SMYD3: variants seen among roughly 807,000 people sequenced by gnomAD.
The protein encoded by SMYD3 is SET and MYND domain containing 3, also known as histone-lysine N-methyltransferase SMYD3.
SMYD3 carries 36 observed loss-of-function variants against 57.7 expected under a neutral mutation model. The observed-to-expected ratio is 0.62, with a 90% CI of 0.48 to 0.82. The LOEUF (loss-of-function observed/expected upper bound fraction) is 0.82, where lower values mean the gene tolerates loss of function less well. Ranked by LOEUF, SMYD3 falls within the 40% of genes least tolerant of loss-of-function variation. The pLI is 0.00. For missense variants in SMYD3, 515 were observed against 538.8 expected (o/e 0.96, Z 0.44); for synonymous variants, 211 against 195.0 (o/e 1.08, Z -0.68).
chr1:246,023,512 A>G (rs2059511394), intron 5 of SMYD3, among the ~76,000 whole-genome samples: 1 of 152,160 alleles, frequency 6.6e-6, no homozygotes, highest in African/African-American at 2.4e-5. Flanking sequence ...CCCATTTTCC[A>G]AAATCATTAC....
intron 7 of SMYD3, among the ~76,000 whole-genome samples, chr1:245,922,825 G>A (rs2056075940): frequency 6.6e-6 from 1 of 152,080 alleles, no homozygotes; most frequent in East Asian, 1.9e-4. Context: ...TCATTTCCCA[G>A]TTTAAACCTT....
chr1:246,316,992 T>C (rs1288614426), intron 5 of SMYD3, among the ~76,000 whole-genome samples: 1 of 150,072 alleles, frequency 6.7e-6, no homozygotes, highest in African/African-American at 2.4e-5. Flanking sequence ...AGACTCCTAC[T>C]CAAAAAATAA....
chr1:245,870,447 T>C (rs1209141597), intron 8 of SMYD3, among the ~76,000 whole-genome samples: 1 of 152,180 alleles, frequency 6.6e-6, no homozygotes, highest in African/African-American at 2.4e-5. Flanking sequence ...TCCTGGCTTC[T>C]ACCTCAAACA....
intron 5 of SMYD3, among the ~76,000 whole-genome samples, chr1:246,229,278 A>C (rs1250807841): frequency 6.6e-6 from 1 of 152,134 alleles, no homozygotes; most frequent in African/African-American, 2.4e-5. Context: ...TAATTCTTTG[A>C]AATCCATTTA....
chr1:245,947,422 A>T, intron 5 of SMYD3: 1 of 457,052 alleles, frequency 2.2e-6, no homozygotes, highest in Non-Finnish European at 4.4e-6. Flanking sequence ...CCCCAAAACG[A>T]ACCCAATTGT....
At chr1:246,348,077 T>TATATATATATATATAAATATAC in intron 2 of SMYD3, among the ~76,000 whole-genome samples, 1 of 86,488 alleles carries the variant, frequency 1.2e-5, no homozygotes, top group Non-Finnish European at 2.6e-5. Flanking sequence ...TATATATATA[T>TATATATATATATATAAATATAC]ACACACACAC....
chr1:245,994,663 T>TA (rs2058886809), intron 5 of SMYD3, among the ~76,000 whole-genome samples: 1 of 152,190 alleles, frequency 6.6e-6, no homozygotes, highest in African/African-American at 2.4e-5. Flanking sequence ...GGCCTTCTCA[T>TA]AAAATGACTT....
At chr1:246,082,523 T>C (rs1046884037) in intron 5 of SMYD3, among the ~76,000 whole-genome samples, 1 of 152,066 alleles carries the variant, frequency 6.6e-6, no homozygotes, top group African/African-American at 2.4e-5. Context: ...GCAGCACACA[T>C]TCCCTAGCCC....
At chr1:246,356,004 C>T (rs2065905244) in intron 1 of SMYD3, among the ~76,000 whole-genome samples, 1 of 152,286 alleles carries the variant, frequency 6.6e-6, no homozygotes, top group East Asian at 1.9e-4. Context: ...TTCCTGAAAG[C>T]ACCAACTCCT....
intron 1 of SMYD3, among the ~76,000 whole-genome samples, chr1:246,379,147 CCTAA>C (rs1473289750): frequency 2.7e-4 from 40 of 147,416 alleles, no homozygotes; most frequent in Admixed American, 9.0e-4. Flanking sequence ...TCTGGAGAAC[CCTAA>C]CTAATACAAC....
chr1:245,770,551 T>A (rs965733101), intron 10 of SMYD3, among the ~76,000 whole-genome samples: 1 of 152,230 alleles, frequency 6.6e-6, no homozygotes, highest in Non-Finnish European at 1.5e-5. Flanking sequence ...CTGAAGGAGA[T>A]AACATCATCC....
At chr1:246,358,367 G>A (rs996698101) in intron 1 of SMYD3, among the ~76,000 whole-genome samples, 2 of 152,006 alleles carry the variant, frequency 1.3e-5, no homozygotes, top group Admixed American at 6.6e-5. Context: ...ATAATAGTGG[G>A]GGATTTTATT....
chr1:246,160,709 C>A (rs969487131), intron 5 of SMYD3, among the ~76,000 whole-genome samples: 2 of 152,192 alleles, frequency 1.3e-5, no homozygotes, highest in African/African-American at 4.8e-5. Flanking sequence ...ACATTACCAG[C>A]AACACTGTTC....
chr1:246,152,236 C>T (rs555280142), intron 5 of SMYD3, among the ~76,000 whole-genome samples: 5 of 152,208 alleles, frequency 3.3e-5, no homozygotes, highest in Admixed American at 3.3e-4. Flanking sequence ...GGACACCTGG[C>T]GTCTGGAGAG....
At chr1:246,104,871 T>C (rs117045234) in intron 5 of SMYD3, among the ~76,000 whole-genome samples, 2 of 152,196 alleles carry the variant, frequency 1.3e-5, no homozygotes, top group East Asian at 3.9e-4. Context: ...AATAGGCTAC[T>C]GTCAAAGGAA....
At chr1:246,226,575 C>T (rs762944099) in intron 5 of SMYD3, among the ~76,000 whole-genome samples, 101 of 152,270 alleles carry the variant, frequency 6.6e-4, no homozygotes, top group Non-Finnish European at 1.2e-3. Context: ...GTCACTGCAG[C>T]GTCTGCCACC....
intron 5 of SMYD3, among the ~76,000 whole-genome samples, chr1:246,091,804 TTTGTG>T (rs1320576887): frequency 6.6e-6 from 1 of 152,240 alleles, no homozygotes; most frequent in Non-Finnish European, 1.5e-5. Flanking sequence ...GAATATCAAC[TTTGTG>T]TTTCCAATGC....
intron 5 of SMYD3, among the ~76,000 whole-genome samples, chr1:246,249,472 T>G (rs2063764575): frequency 6.6e-6 from 1 of 152,090 alleles, no homozygotes; most frequent in African/African-American, 2.4e-5. Context: ...AACAATTATT[T>G]CAGGTTTTAA....
At chr1:245,928,714 A>G (rs1338241977) in intron 6 of SMYD3, among the ~76,000 whole-genome samples, 1 of 152,184 alleles carries the variant, frequency 6.6e-6, no homozygotes, top group Non-Finnish European at 1.5e-5. Flanking sequence ...TGCAGCAGCC[A>G]AGATACCACT....
Sources: gnomAD v4.1 joint callset for allele counts (sites outside exome capture counted in the v4.1 genomes callset) on GRCh38, gnomAD v4.1.1 for gene constraint, MANE v1.5 for transcripts, NCBI Gene and HGNC (gene_info 2026-07-23, HGNC 2026-07-21) for gene names.